Variants in HPCAL1 observed in about 807,000 individuals in gnomAD.
The protein encoded by HPCAL1 is hippocalcin-like protein 1.
Under a neutral mutation model 17.1 loss-of-function variants are expected in HPCAL1, and 8 were observed. The ratio of observed to expected loss-of-function variants is 0.47; its 90% confidence interval spans 0.27 to 0.84. HPCAL1 has a LOEUF of 0.84. Ranked by LOEUF, HPCAL1 falls within the 40% of genes least tolerant of loss-of-function variation. The probability of loss-of-function intolerance (pLI) is 0.13; values close to 1 mark genes in which losing one functional copy is unlikely to be tolerated. For synonymous variants in HPCAL1, 112 were observed against 111.4 expected (o/e 1.01, Z -0.03); for missense variants, 165 against 271.1 (o/e 0.61, Z 2.75).
chr2:10,369,778 G>A (rs1667095939), intron 1 of HPCAL1, among the ~76,000 whole-genome samples: 1 of 152,204 alleles, frequency 6.6e-6, no homozygotes, highest in African/African-American at 2.4e-5. Context: ...AATATGCCGT[G>A]TTCGGATCCA....
intron 1 of HPCAL1, among the ~76,000 whole-genome samples, chr2:10,391,235 T>G (rs896099197): frequency 6.6e-6 from 1 of 151,870 alleles, no homozygotes; most frequent in East Asian, 1.9e-4. Context: ...GCCAGGGGGG[T>G]TTGCAGTCAG....
intron 2 of HPCAL1, among the ~76,000 whole-genome samples, chr2:10,413,730 T>C (rs1030036979): frequency 6.6e-6 from 1 of 152,260 alleles, no homozygotes; most frequent in Non-Finnish European, 1.5e-5. Flanking sequence ...ATAAGTGTTA[T>C]GAGTTTGGCA....
At position 10,396,905 on chromosome 2, in the gene HPCAL1, C is replaced by G. The variant is rs1041967885; in HGVS notation, c.-40C>G. On this transcript the variant is annotated 5_prime_UTR_variant, in exon 2 of 5. Coordinates refer to ENST00000307845, the MANE Select transcript of HPCAL1 (RefSeq NM_002149.4). ...AGGTTCTGACCCACTCCCTCTCAGC[C>G]TCCGCCTGGTCTCTGGTAAGTCACT... 9 of 152,310 alleles carry G rather than the reference C, an allele frequency of 5.9e-5. No homozygotes were observed. Among genetic ancestry groups the G allele is most frequent in the African/African-American group, 2.2e-4 (9 of 41,444 alleles). 9.4% of individuals were successfully genotyped at this position (152,310 alleles called of 1,614,324 possible).
rs1225749981 is a variant in HPCAL1 at position 10,394,502 on chromosome 2, G to T, written c.-110-2333G>T. On this transcript the variant is annotated intron_variant, in intron 1 of 4. Transcript: ENST00000307845. The surrounding 1 kb of genome is among the most constrained non-coding windows in gnomAD (Gnocchi z 5.0). ...GTGAGAAAATATGGGGCAAGGCAGA[G>T]AGCACAGAGGGGCTTTAGGGCAGCG... 6.6e-6 allele frequency among the ~76,000 whole-genome samples: 1 copy of T among 152,238 alleles called. No homozygotes were observed. The highest frequency in any genetic ancestry group is 1.5e-5 in the Non-Finnish European group (1 of 68,046).
intron 2 of HPCAL1, among the ~76,000 whole-genome samples, chr2:10,406,968 G>C (rs1473150604): frequency 6.6e-6 from 1 of 152,148 alleles, no homozygotes; most frequent in South Asian, 2.1e-4. Flanking sequence ...TCTCTGCTTG[G>C]GAGGCAGCTC....
At chr2:10,348,600 C>CAAA (rs56194796) in intron 1 of HPCAL1, among the ~76,000 whole-genome samples, 2 of 144,346 alleles carry the variant, frequency 1.4e-5, no homozygotes, top group South Asian at 4.4e-4. Context: ...CCTGTCTCTA[C>CAAA]AAAAAAAAAA....
intron 1 of HPCAL1, among the ~76,000 whole-genome samples, chr2:10,375,907 A>T (rs945497684): frequency 5.3e-5 from 8 of 152,178 alleles, no homozygotes; most frequent in Admixed American, 1.3e-4. Flanking sequence ...TGTGGTTTGG[A>T]TGCGTGTCCC....
At chr2:10,372,271 A>C (rs73914061) in intron 1 of HPCAL1, among the ~76,000 whole-genome samples, 1,544 of 150,542 alleles carry the variant, frequency 0.01, 38 homozygotes, top group African/African-American at 0.036. Context: ...AAGGTGGGGG[A>C]CGAGGGTTGT....
intron 1 of HPCAL1, among the ~76,000 whole-genome samples, chr2:10,392,393 C>T (rs1668760930): frequency 6.6e-6 from 1 of 152,158 alleles, no homozygotes; most frequent in African/African-American, 2.4e-5. Flanking sequence ...AGCTATTTGG[C>T]CAGGGCTTTT....
In HPCAL1 at chr2:10,354,960, G is replaced by C. The variant is rs535933880; in HGVS notation, c.-110-41875G>C. On this transcript the variant is annotated intron_variant, in intron 1 of 4. Transcript: ENST00000307845. The surrounding 1 kb of genome is among the most constrained non-coding windows in gnomAD (Gnocchi z 5.1). ...CACCGTGCACCAGGCACTGTGTTAG[G>C]TGCTGCAGAGATGAAGATGAGGAGG... Among the ~76,000 whole-genome samples the C allele has an allele frequency of 1.3e-5, 2 of 152,330 alleles. No individual in the cohort carries two copies. The highest frequency in any genetic ancestry group is 4.1e-4 in the South Asian group (2 of 4,832).
chr2:10,397,259 G>A (rs2125576766), intron 2 of HPCAL1, among the ~76,000 whole-genome samples: 1 of 152,228 alleles, frequency 6.6e-6, no homozygotes, highest in African/African-American at 2.4e-5. Context: ...ACTTTGAGAA[G>A]GACGTGTGGG....
At position 10,420,091 on chromosome 2, in the gene HPCAL1, G is replaced by A. The variant is rs1670946774; in HGVS notation, c.334G>A (p.Gly112Ser). The A allele has an allele frequency of 2.5e-6, 4 of 1,613,444 alleles. No homozygotes were observed. Among genetic ancestry groups the A allele is most frequent in the Non-Finnish European group, 3.4e-6 (4 of 1,179,940 alleles). The change falls in exon 3 of 5, where the codon GGC becomes AGC. Residue 112 changes from glycine to serine, a missense_variant. Coordinates refer to ENST00000307845, the MANE Select transcript of HPCAL1 (RefSeq NM_002149.4). ...KWAFSMYDLD[G>S]NGYISRSEML... is the part of the protein sequence containing the mutation. ...GGCCTTCAGCATGTACGACCTGGAC[G>A]GCAACGGCTACATCAGCCGCAGCGA...
Position 10,342,446 on chromosome 2 carries a change from C to T in HPCAL1, c.-111+39269C>T, listed in dbSNP as rs1457549476. On this transcript the variant is annotated intron_variant, in intron 1 of 4. Coordinates refer to ENST00000307845, the MANE Select transcript of HPCAL1 (RefSeq NM_002149.4). This position sits in a 1 kb window ranked among gnomAD's most constrained non-coding sequence, Gnocchi z 4.1. ...TGCAGTCCGTGCCTCCAGCGCGCAG[C>T]CTGAAAGGGAGGCGTGCAGAAACAA... is the stretch of plus-strand genomic sequence containing the variant. 3.3e-5 allele frequency among the ~76,000 whole-genome samples: 5 copies of T among 151,812 alleles called. No homozygotes were observed. The highest frequency in any genetic ancestry group is 9.7e-5 in the African/African-American group (4 of 41,322).
chr2:10,402,291 C>T (rs1194384855), intron 2 of HPCAL1, among the ~76,000 whole-genome samples: 1 of 152,220 alleles, frequency 6.6e-6, no homozygotes, highest in African/African-American at 2.4e-5. Context: ...TTTTACACTT[C>T]GGTGTCTTCC....
intron 1 of HPCAL1, among the ~76,000 whole-genome samples, chr2:10,327,849 A>G (rs1410511871): frequency 6.6e-6 from 1 of 152,240 alleles, no homozygotes; most frequent in African/African-American, 2.4e-5. Flanking sequence ...AGACAGTGGT[A>G]ACATTAATGA....
At chr2:10,318,883 C>G (rs1222541213) in intron 1 of HPCAL1, among the ~76,000 whole-genome samples, 1 of 152,210 alleles carries the variant, frequency 6.6e-6, no homozygotes, top group Non-Finnish European at 1.5e-5. Context: ...TTGAATAGCA[C>G]CCACCCGTGC....
chr2:10,352,708 C>G (rs1387880455), intron 1 of HPCAL1, among the ~76,000 whole-genome samples: 15 of 152,196 alleles, frequency 9.9e-5, no homozygotes. Context: ...CAGGCCCCCC[C>G]AGGGAGAGCT....
chr2:10,348,533 G>A (rs560198601), intron 1 of HPCAL1, among the ~76,000 whole-genome samples: 3 of 152,050 alleles, frequency 2.0e-5, no homozygotes, highest in Non-Finnish European at 4.4e-5. Flanking sequence ...GGAGACCAAG[G>A]TGGGGGGATC....
At chr2:10,403,192 C>A (rs73170023) in intron 2 of HPCAL1, among the ~76,000 whole-genome samples, 10,866 of 152,246 alleles carry the variant, frequency 0.071, 623 homozygotes, top group African/African-American at 0.16. Context: ...TGAGCAGCTC[C>A]TCAGGTGCTT....
Sources: gnomAD v4.1 joint callset for allele counts (sites outside exome capture counted in the v4.1 genomes callset) on GRCh38, gnomAD v4.1.1 for gene constraint, Gnocchi (gnomAD v3.1) non-coding constraint, MANE v1.5 for transcripts, NCBI Gene and HGNC (gene_info 2026-07-23, HGNC 2026-07-21) for gene names.